Variants in TTLL11 observed in about 807,000 individuals in gnomAD.
TTLL11 encodes tubulin polyglutamylase TTLL11.
In TTLL11, 42 loss-of-function variants were observed where a neutral mutation model predicts 51.7. The ratio of observed to expected loss-of-function variants is 0.81; its 90% CI spans 0.64 to 1.05. TTLL11 has a LOEUF of 1.05. Ranked by LOEUF, TTLL11 falls within the 50% of genes least tolerant of loss-of-function variation. TTLL11 has a pLI of 0.00. For synonymous variants in TTLL11, 381 were observed against 383.5 expected (o/e 0.99, Z 0.08); for missense variants, 799 against 940.4 (o/e 0.85, Z 1.97).
chr9:122,060,722 G>A (rs1845414234), intron 1 of TTLL11, among the ~76,000 whole-genome samples: 1 of 152,154 alleles, frequency 6.6e-6, no homozygotes, highest in African/African-American at 2.4e-5. Context: ...TAAAATGGGG[G>A]GAGAAGTTGG....
At chr9:122,057,740 G>C (rs895979188) in intron 1 of TTLL11, among the ~76,000 whole-genome samples, 16 of 152,280 alleles carry the variant, frequency 1.1e-4, no homozygotes, top group African/African-American at 3.9e-4. Context: ...CTTACATAAA[G>C]GGATATTTAT....
At chr9:121,850,067 TTTA>T (rs869217721) in intron 8 of TTLL11, among the ~76,000 whole-genome samples, 1 of 21,938 alleles carries the variant, frequency 4.6e-5, no homozygotes, top group Non-Finnish European at 1.0e-4. Flanking sequence ...TATATTATTT[TTTA>T]TTTTTCTTAA....
intron 3 of TTLL11, among the ~76,000 whole-genome samples, chr9:122,016,508 T>C (rs918304412): frequency 7.2e-5 from 11 of 152,172 alleles, no homozygotes; most frequent in Non-Finnish European, 1.2e-4. Flanking sequence ...ACAAAGAATA[T>C]ACACTTCACA....
intron 3 of TTLL11, among the ~76,000 whole-genome samples, chr9:121,997,661 A>T (rs1358955940): frequency 6.6e-6 from 1 of 151,666 alleles, no homozygotes; most frequent in Non-Finnish European, 1.5e-5. Flanking sequence ...CAAGCTACTT[A>T]CTCCCTCTTA....
intron 4 of TTLL11, among the ~76,000 whole-genome samples, chr9:121,987,168 T>C (rs565966006): frequency 1.3e-5 from 2 of 152,280 alleles, no homozygotes; most frequent in Non-Finnish European, 2.9e-5. Flanking sequence ...GGGTAATGTC[T>C]ACCCCAGGGC....
intron 7 of TTLL11, among the ~76,000 whole-genome samples, chr9:121,861,085 G>A (rs943796638): frequency 4.4e-5 from 5 of 113,346 alleles, no homozygotes; most frequent in Non-Finnish European, 8.8e-5. Context: ...AGCAAGGCAA[G>A]TGTTTTTTTT....
chr9:121,877,482 C>A (rs1838608826), intron 6 of TTLL11, among the ~76,000 whole-genome samples: 1 of 152,128 alleles, frequency 6.6e-6, no homozygotes. Flanking sequence ...TGTCTGCCAT[C>A]CAAGTCCCTC....
At chr9:121,993,436 G>A (rs1048799698) in intron 3 of TTLL11, among the ~76,000 whole-genome samples, 3 of 152,126 alleles carry the variant, frequency 2.0e-5, no homozygotes, top group Admixed American at 2.0e-4. Context: ...GTGTGACCTC[G>A]AGAAAGTCAC....
chr9:121,897,734 A>G (rs1188836396), intron 6 of TTLL11, among the ~76,000 whole-genome samples: 1 of 151,774 alleles, frequency 6.6e-6, no homozygotes, highest in Non-Finnish European at 1.5e-5. Context: ...TTCTCTGCCC[A>G]TGTCTCCATT....
intron 4 of TTLL11, among the ~76,000 whole-genome samples, chr9:121,976,358 T>G (rs1417618730): frequency 6.6e-6 from 1 of 152,228 alleles, no homozygotes; most frequent in Non-Finnish European, 1.5e-5. Context: ...ACTCTTCATC[T>G]GGATAACTTT....
chr9:122,037,871 A>G (rs1270337732), intron 2 of TTLL11, among the ~76,000 whole-genome samples: 1 of 152,192 alleles, frequency 6.6e-6, no homozygotes, highest in Non-Finnish European at 1.5e-5. Flanking sequence ...GTAAGACTGC[A>G]TGCTTAGGTG....
Position 121,822,799 on chromosome 9 carries a change from C to T in TTLL11, c.1921G>A (p.Val641Met). 5 of 1,551,708 alleles carry T rather than the reference C, an allele frequency of 3.2e-6. No individual in the cohort carries two copies. Among genetic ancestry groups the T allele is most frequent in the Non-Finnish European group, 4.4e-6 (5 of 1,146,980 alleles). Reference protein sequence around the residue: ...KFKMLPLHEQVASLIDLCEYH... With the variant: ...KFKMLPLHEQMASLIDLCEYH... ...TCGCAAAGGTCAATCAGTGAGGCCA[C>T]CTGCTCATGAAGTGGCAGCATCTTG... is the stretch of plus-strand genomic sequence containing the variant. The change falls in exon 9 of 9, where the codon GTG becomes ATG. Residue 641 changes from valine to methionine, a missense_variant. This residue lies in a region of TTLL11 where 165 missense variants were observed against 166.1 expected (regional missense o/e 0.99). Coordinates refer to ENST00000321582, the MANE Select transcript of TTLL11 (RefSeq NM_001139442.2). This position sits in a 1 kb window ranked among gnomAD's most constrained non-coding sequence, Gnocchi z 5.8.
intron 6 of TTLL11, among the ~76,000 whole-genome samples, chr9:121,881,339 C>T (rs766087654): frequency 1.3e-5 from 2 of 152,182 alleles, no homozygotes; most frequent in Admixed American, 6.5e-5. Flanking sequence ...ACTGTAATTT[C>T]TTTTTGACAG....
In TTLL11 at chr9:122,005,955, G is replaced by A. The variant is rs192231691; in HGVS notation, c.694-16185C>T. Among the ~76,000 whole-genome samples the A allele has an allele frequency of 1.4e-3, 209 of 152,342 alleles. 1 individual carries two copies. The highest frequency in any genetic ancestry group is 4.9e-3 in the African/African-American group (204 of 41,586). ...TGAATAATCTATCTGTATATAACAT[G>A]AAGACAGCCTAGACTCTAACTCCAT... On this transcript the variant is annotated intron_variant, in intron 3 of 8. Coordinates refer to ENST00000321582, the MANE Select transcript of TTLL11 (RefSeq NM_001139442.2).
intron 4 of TTLL11, among the ~76,000 whole-genome samples, chr9:121,977,387 G>C (rs1842734506): frequency 1.3e-5 from 2 of 152,126 alleles, no homozygotes; most frequent in Admixed American, 1.3e-4. Flanking sequence ...GTTGATAATG[G>C]CAGTGAAAAG....
intron 8 of TTLL11, among the ~76,000 whole-genome samples, chr9:121,848,952 A>C (rs1382764380): frequency 6.6e-6 from 1 of 152,260 alleles, no homozygotes; most frequent in African/African-American, 2.4e-5. Context: ...ACACTGAAGA[A>C]GAAAAAGAAC....
intron 6 of TTLL11, among the ~76,000 whole-genome samples, chr9:121,892,871 G>A (rs1436326874): frequency 1.3e-5 from 2 of 152,176 alleles, no homozygotes; most frequent in African/African-American, 4.8e-5. Flanking sequence ...GCAGTGTCAG[G>A]TCTGGCAGTC....
chr9:121,865,353 A>G (rs1050613583), intron 7 of TTLL11, among the ~76,000 whole-genome samples: 1 of 152,188 alleles, frequency 6.6e-6, no homozygotes, highest in East Asian at 1.9e-4. Flanking sequence ...CCCTCATTCA[A>G]AAGGAGGCCC....
chr9:122,015,099 G>C (rs893690557), intron 3 of TTLL11, among the ~76,000 whole-genome samples: 2 of 152,162 alleles, frequency 1.3e-5, no homozygotes, highest in Non-Finnish European at 1.5e-5. Flanking sequence ...GAAGATAAAA[G>C]AGGTCATGTA....
Sources: gnomAD v4.1 joint callset for allele counts (sites outside exome capture counted in the v4.1 genomes callset) on GRCh38, gnomAD v4.1.1 for gene constraint, gnomAD v4.1.1 regional missense constraint, Gnocchi (gnomAD v3.1) non-coding constraint, MANE v1.5 for transcripts, NCBI Gene and HGNC (gene_info 2026-07-23, HGNC 2026-07-21) for gene names.